Variants in TMPRSS6 observed in about 807,000 individuals in gnomAD.
TMPRSS6 encodes the protein transmembrane serine protease 6.
A neutral mutation model predicts 101.5 loss-of-function variants in TMPRSS6; 67 were observed. The observed-to-expected ratio is 0.66, with a 90% confidence interval of 0.54 to 0.81. The LOEUF (loss-of-function observed/expected upper bound fraction) is 0.81, where lower values mean the gene tolerates loss of function less well. Among genes scored for constraint, TMPRSS6 ranks in the 30% least tolerant of loss-of-function variants. TMPRSS6 has a pLI of 0.00. For missense variants in TMPRSS6, 1,034 were observed against 1,088.7 expected, an observed-to-expected ratio of 0.95 and a Z score of 0.71; for synonymous variants, 453 against 464.9, an observed-to-expected ratio of 0.97 and a Z score of 0.33.
At chr22:37,085,275 T>G (rs1480579026) in intron 8 of TMPRSS6, among the ~76,000 whole-genome samples, 1 of 151,590 alleles carries the variant, frequency 6.6e-6, no homozygotes, top group Non-Finnish European at 1.5e-5. Context: ...GGTCCAGGGG[T>G]CAGGACAGGA....
intron 10 of TMPRSS6, among the ~76,000 whole-genome samples, chr22:37,076,012 AAAG>A (rs1927629726): frequency 6.6e-6 from 1 of 151,134 alleles, no homozygotes; most frequent in African/African-American, 2.5e-5. Context: ...AGAAAGAAAG[AAAG>A]AAGAAAGAGA....
chr22:37,107,317 T>C (rs1378896359), intron 1 of TMPRSS6, among the ~76,000 whole-genome samples: 1 of 152,140 alleles, frequency 6.6e-6, no homozygotes, highest in Admixed American at 6.5e-5. Flanking sequence ...TCCCATCCTC[T>C]TGGGTTTCCT....
intron 1 of TMPRSS6, among the ~76,000 whole-genome samples, chr22:37,108,763 C>T (rs59744498): frequency 0.035 from 5,280 of 152,252 alleles, 290 homozygotes; most frequent in African/African-American, 0.11. Context: ...AGAGAGGTAA[C>T]ATGACTTACC....
intron 11 of TMPRSS6, 88 bp downstream of exon 11, chr22:37,075,047 C>T (rs1927496100): frequency 1.3e-6 from 2 of 1,597,292 alleles, no homozygotes; most frequent in Non-Finnish European, 1.7e-6. Context: ...GCCTCATAAG[C>T]AGCTGCCCAC....
chr22:37,084,444 G>T lies in TMPRSS6; in HGVS notation c.1087-40C>A, dbSNP rs1266900194. 3 of 1,516,834 alleles carry T rather than the reference G, an allele frequency of 2.0e-6. No homozygotes were observed. The East Asian group carries it at 7.0e-5, about 35-fold the overall frequency. 94.0% of individuals were successfully genotyped at this position (1,516,834 alleles called of 1,614,324 possible). A position where few individuals can be genotyped will look rare whatever the true frequency, so the allele number is the denominator to read the frequency against. On this transcript the variant is annotated intron_variant, in intron 9 of 17. Coordinates refer to ENST00000676104, the MANE Select transcript of TMPRSS6 (RefSeq NM_001374504.1). ...CGGGCCATCAGGTGGCCCATGGGGT[G>T]TGGCCAGGTTGGTGAACCCACCTCC...
At position 37,089,607 on chromosome 22, in the gene TMPRSS6, G is replaced by A. The variant is rs141942013; in HGVS notation, c.807C>T (p.Ala269=). ...CRDRLAMYDV[A]GPLEKRLITS... is the part of the protein sequence containing the mutation. ...TGATGAGCCTCTTCTCCAGGGGCCCGGCCACGTCATACATGGCCAGTCGGT... is the reference window on the plus strand; with the variant it reads ...TGATGAGCCTCTTCTCCAGGGGCCCAGCCACGTCATACATGGCCAGTCGGT... The change falls in exon 7 of 18, where the codon GCC becomes GCT. Residue 269 remains alanine, a synonymous_variant. Coordinates refer to ENST00000676104, the MANE Select transcript of TMPRSS6 (RefSeq NM_001374504.1). The A allele has an allele frequency of 9.8e-5, 141 of 1,431,490 alleles. No homozygotes were observed. The African/African-American group carries it at 1.1e-3, about 11-fold the overall frequency. The allele number at this position is 1,431,490 out of a possible 1,614,324, so 88.7% of individuals were successfully genotyped here.
chr22:37,078,832 G>A (rs565499707), intron 10 of TMPRSS6, among the ~76,000 whole-genome samples: 1 of 127,348 alleles, frequency 7.9e-6, no homozygotes, highest in South Asian at 2.5e-4. Flanking sequence ...AGAAGAAAGA[G>A]GAGGAGGAGA....
At position 37,069,676 on chromosome 22, in the gene TMPRSS6, T is replaced by C. The variant is rs1290249865; in HGVS notation, c.1842-332A>G. Among the ~76,000 whole-genome samples, 2 of 152,230 alleles carry C rather than the reference T, an allele frequency of 1.3e-5. No homozygotes were observed. Among genetic ancestry groups the C allele is most frequent in the Non-Finnish European group, 2.9e-5 (2 of 68,044 alleles). ...CCAATAAGACCGTGTATCTAAAAAA[T>C]GTAGCACAGTGCCAGGCCCCCGACA... On this transcript the variant is annotated intron_variant, in intron 15 of 17. Transcript: ENST00000676104. The surrounding 1 kb of genome is among the most constrained non-coding windows in gnomAD (Gnocchi z 4.8).
intron 10 of TMPRSS6, chr22:37,083,229 C>A (rs958542993): frequency 4.3e-5 from 16 of 374,096 alleles, no homozygotes; most frequent in African/African-American, 3.2e-4. Flanking sequence ...GACACGATGA[C>A]CGTTTTCACC....
chr22:37,077,363 C>T (rs1288900459), intron 10 of TMPRSS6, among the ~76,000 whole-genome samples: 5 of 152,210 alleles, frequency 3.3e-5, no homozygotes, highest in East Asian at 3.8e-4. Context: ...GTCCTCCACA[C>T]GCCTGGCCTA....
intron 16 of TMPRSS6, chr22:37,068,490 G>A (rs1926543308): frequency 4.4e-6 from 3 of 686,042 alleles, no homozygotes; most frequent in Admixed American, 4.4e-5. Flanking sequence ...AGGGACTCTG[G>A]TCAGTGAACG....
Position 37,068,361 on chromosome 22 carries a change from C to T in TMPRSS6, c.2113+712G>A, listed in dbSNP as rs116191039. Among the ~76,000 whole-genome samples the T allele has an allele frequency of 4.2e-3, 642 of 152,354 alleles. 5 individuals are homozygous for T. The highest frequency in any genetic ancestry group is 0.015 in the African/African-American group (623 of 41,574). On this transcript the variant is annotated intron_variant, in intron 16 of 17. Coordinates refer to ENST00000676104, the MANE Select transcript of TMPRSS6 (RefSeq NM_001374504.1). ...TCCTTAAAATATCTCTGCGGCCCCG[C>T]CTGCTTCCAGATTGTAAGTCACTGT...
intron 13 of TMPRSS6, among the ~76,000 whole-genome samples, chr22:37,072,966 T>C (rs1473227067): frequency 6.9e-6 from 1 of 144,738 alleles, no homozygotes; most frequent in East Asian, 2.1e-4. Context: ...GGATGACGGA[T>C]GGGTGGAAGG....
rs201126963 is a variant in TMPRSS6 at position 37,084,792 on chromosome 22, C to T, written c.1021G>A (p.Val341Ile). 41 of 1,564,908 alleles carry T rather than the reference C, an allele frequency of 2.6e-5. No homozygotes were observed. In the East Asian group the frequency reaches 2.8e-4, roughly 11 times the overall value. The stretch of plus-strand genomic sequence containing the variant: ...CTGGGGAAGTACGGGGTGCTGAGGA[C>T]GCCCTGGGAGTCGAGCCTGTTGTCC... ...TLDNRLDSQG[V>I]LSTPYFPSYY... The change falls in exon 9 of 18, where the codon GTC (valine) becomes ATC (isoleucine). Residue 341 changes from valine (V) to isoleucine (I), a missense_variant. Val to Ile is a conservative substitution (Grantham distance 29, BLOSUM62 3). Coordinates refer to ENST00000676104, the MANE Select transcript of TMPRSS6 (RefSeq NM_001374504.1).
intron 16 of TMPRSS6, chr22:37,068,665 A>G (rs535935339): frequency 3.2e-5 from 25 of 779,580 alleles, no homozygotes; most frequent in Admixed American, 5.1e-5. Context: ...ATAGGGCCAC[A>G]GCATCCGCCC....
rs1927528908 is a variant in TMPRSS6 at position 37,075,261 on chromosome 22, G to A, written c.1216C>T (p.Leu406=). The A allele has an allele frequency of 6.2e-7, 1 of 1,613,454 alleles. No individual in the cohort carries two copies. The highest frequency in any genetic ancestry group is 8.5e-7 in the Non-Finnish European group (1 of 1,180,012). Residue 406 remains leucine (L), a synonymous_variant, in exon 11 of 18, where the codon CTG becomes TTG. Coordinates refer to ENST00000676104, the MANE Select transcript of TMPRSS6 (RefSeq NM_001374504.1). ...GGGATCCTCTCGGCGTAGGGCTGCA[G>A]GATGCGCAAGCCACACAGCCTGGGG... is the stretch of plus-strand genomic sequence containing the variant. ...QNRRLCGLRI[L]QPYAERIPVV... is the part of the protein sequence containing the mutation.
At position 37,101,936 on chromosome 22, in the gene TMPRSS6, C is replaced by A. The variant is rs1305732370; in HGVS notation, c.202+1280G>T. On this transcript the variant is annotated intron_variant, in intron 2 of 17. Coordinates refer to ENST00000676104, the MANE Select transcript of TMPRSS6 (RefSeq NM_001374504.1). This position sits in a 1 kb window ranked among gnomAD's most constrained non-coding sequence, Gnocchi z 4.1. ...GGTGAAATGCACATGGCGTCTACTG[C>A]CTGCGTTGCTCAACTCTGGGTAGAA... Among the ~76,000 whole-genome samples the A allele has an allele frequency of 6.6e-6, 1 of 152,196 alleles. No individual in the cohort carries two copies. The highest frequency in any genetic ancestry group is 2.4e-5 in the African/African-American group (1 of 41,444).
rs1463318589 is a variant in TMPRSS6, at chr22:37,096,628, CA to C, written c.404+19del. On this transcript the variant is annotated intron_variant, in intron 4 of 17. Coordinates refer to ENST00000676104, the MANE Select transcript of TMPRSS6 (RefSeq NM_001374504.1). ...ATCTCAGCTTCTTGCAGGAGCTGGT[CA>C]GGGGCAAGGACAACTCACCCAAAGG... 1 of 1,556,422 alleles carries C rather than the reference CA, an allele frequency of 6.4e-7. No individual in the cohort carries two copies. The highest frequency in any genetic ancestry group is 8.7e-7 in the Non-Finnish European group (1 of 1,149,166).
intron 6 of TMPRSS6, 21 bp downstream of exon 6, chr22:37,095,530 G>A: frequency 6.2e-7 from 1 of 1,609,718 alleles, no homozygotes; most frequent in Non-Finnish European, 8.5e-7. Context: ...AAAATGGGGA[G>A]GGGAAAAAAA....
Sources: gnomAD v4.1 joint callset for allele counts (sites outside exome capture counted in the v4.1 genomes callset) on GRCh38, gnomAD v4.1.1 for gene constraint, Gnocchi (gnomAD v3.1) non-coding constraint, MANE v1.5 for transcripts, NCBI Gene and HGNC (gene_info 2026-07-23, HGNC 2026-07-21) for gene names.